The following CPSF2 variants were observed in gnomAD, a reference collection of about 807,000 sequenced individuals.
CPSF2 encodes the protein cleavage and polyadenylation specific factor 2.
Under a neutral mutation model 84.2 loss-of-function variants are expected in CPSF2, and 51 were observed. The ratio of observed to expected loss-of-function variants is 0.61; its 90% CI spans 0.48 to 0.77. The LOEUF (loss-of-function observed/expected upper bound fraction) is 0.77. Ranked by LOEUF, CPSF2 falls within the 30% of genes least tolerant of loss-of-function variation. The pLI is 0.00. For synonymous variants in CPSF2, 286 were observed against 311.9 expected, an observed-to-expected ratio of 0.92 and a Z score of 0.87; for missense variants, 641 against 929.4, an observed-to-expected ratio of 0.69 and a Z score of 4.03.
rs1256871560 is a variant in CPSF2, at chr14:92,167,898, T to TG, written c.*6154_*6155insG. 1 of 151,506 alleles carries TG rather than the reference T, an allele frequency of 6.6e-6. No homozygotes were observed. The highest frequency in any genetic ancestry group is 6.6e-5 in the Admixed American group (1 of 15,210). 9.4% of individuals were successfully genotyped at this position (151,506 alleles called of 1,614,324 possible). Reference sequence around the variant, plus strand: ...ATTGAGAGGTTAATTGCAGGTTTTTTTTTTTTTTTTTTCTGGTAACCATAG... The same window carrying TG: ...ATTGAGAGGTTAATTGCAGGTTTTTTGTTTTTTTTTTTTCTGGTAACCATAG... On this transcript the variant is annotated 3_prime_UTR_variant, in exon 16 of 16. Coordinates refer to ENST00000298875, the MANE Select transcript of CPSF2 (RefSeq NM_017437.3).
At chr14:92,130,816 T>C (rs1310213613) in intron 2 of CPSF2, 135 bp from the exon 3 acceptor site, 1 of 540,868 alleles carries the variant, frequency 1.8e-6, no homozygotes, top group African/African-American at 2.0e-5. Context: ...ATGATGGAAA[T>C]GGGCCTTTAA....
At chr14:92,154,992 G>T (rs957090728) in intron 10 of CPSF2, 131 bp from the exon 11 acceptor site, 10 of 644,956 alleles carry the variant, frequency 1.6e-5, no homozygotes, top group Non-Finnish European at 2.1e-5. Flanking sequence ...GTTGTTGACC[G>T]ACATAACTGT....
intron 1 of CPSF2, among the ~76,000 whole-genome samples, chr14:92,125,812 T>C (rs749816520): frequency 4.6e-5 from 7 of 152,296 alleles, no homozygotes; most frequent in Non-Finnish European, 8.8e-5. Flanking sequence ...ACCTTCTCTT[T>C]GTTTCTACCC....
At chr14:92,158,209 G>T (rs191938863) in intron 13 of CPSF2, among the ~76,000 whole-genome samples, 146 of 152,268 alleles carry the variant, frequency 9.6e-4, no homozygotes, top group African/African-American at 3.3e-3. Context: ...GAGTAGGAAA[G>T]GGGGGGAAGA....
chr14:92,129,993 C>T (rs2141452195), intron 2 of CPSF2, among the ~76,000 whole-genome samples: 1 of 152,262 alleles, frequency 6.6e-6, no homozygotes, highest in East Asian at 1.9e-4. Context: ...AGCAGTCTTC[C>T]TGCCTCGGCT....
chr14:92,129,824 A>G (rs976753754), intron 2 of CPSF2, among the ~76,000 whole-genome samples: 2 of 152,158 alleles, frequency 1.3e-5, no homozygotes, highest in Non-Finnish European at 2.9e-5. Flanking sequence ...CATAGCTCAC[A>G]GTAACCTCGG....
intron 3 of CPSF2, among the ~76,000 whole-genome samples, chr14:92,133,721 C>T (rs560879740): frequency 2.6e-4 from 40 of 152,144 alleles, no homozygotes; most frequent in Admixed American, 5.2e-4. Flanking sequence ...CTGCCTTGGC[C>T]TCCCTAAGTG....
chr14:92,133,415 C>T (rs1032700154), intron 3 of CPSF2, among the ~76,000 whole-genome samples: 1 of 150,884 alleles, frequency 6.6e-6, no homozygotes, highest in Non-Finnish European at 1.5e-5. Flanking sequence ...AGCAAAACTC[C>T]ATCTAAAAAA....
chr14:92,159,330 T>C, intron 14 of CPSF2, 48 bp downstream of exon 14: 1 of 1,470,114 alleles, frequency 6.8e-7, no homozygotes, highest in Non-Finnish European at 9.2e-7. Flanking sequence ...TTTGTCATCC[T>C]TCTAGTTTTC....
intron 7 of CPSF2, among the ~76,000 whole-genome samples, chr14:92,139,536 A>ATT (rs2069046286): frequency 6.9e-6 from 1 of 145,590 alleles, no homozygotes; most frequent in Non-Finnish European, 1.5e-5. Flanking sequence ...TTCATCTTAC[A>ATT]TTCTTTTTTT....
intron 8 of CPSF2, 46 bp downstream of exon 8, chr14:92,142,397 G>A (rs956654509): frequency 1.4e-6 from 2 of 1,457,196 alleles, no homozygotes; most frequent in Non-Finnish European, 1.9e-6. Flanking sequence ...TACAGTGATT[G>A]GGTCTGTGGA....
chr14:92,158,318 C>T (rs1018491254), intron 13 of CPSF2, among the ~76,000 whole-genome samples: 4 of 152,150 alleles, frequency 2.6e-5, no homozygotes, highest in African/African-American at 9.7e-5. Flanking sequence ...TATCAAGGTT[C>T]TACTCCTAAT....
At chr14:92,135,075 ATAATT>A (rs759415791) in intron 5 of CPSF2, among the ~76,000 whole-genome samples, 1 of 152,242 alleles carries the variant, frequency 6.6e-6, no homozygotes, top group Admixed American at 6.5e-5. Flanking sequence ...TTCATACTAA[ATAATT>A]TAATAGTGTA....
rs970487138 is a variant in CPSF2 at position 92,170,717 on chromosome 14, A to G, written c.*8973A>G. 2 of 152,168 alleles carry G rather than the reference A, an allele frequency of 1.3e-5. No individual in the cohort carries two copies. The highest frequency in any genetic ancestry group is 2.9e-5 in the Non-Finnish European group (2 of 68,038). The allele number at this position is 152,168 out of a possible 1,614,324, so 9.4% of individuals were successfully genotyped here. A position where few individuals can be genotyped will look rare whatever the true frequency, so the allele number is the denominator to read the frequency against. On this transcript the variant is annotated 3_prime_UTR_variant, in exon 16 of 16. Coordinates refer to ENST00000298875, the MANE Select transcript of CPSF2 (RefSeq NM_017437.3). ...GATGTGCACTTTGGGTTTGTCTGAT[A>G]TTTCCTCAAGATTAGATTCAGGTTG... is the stretch of plus-strand genomic sequence containing the variant.
At chr14:92,148,588 C>T (rs990723645) in intron 9 of CPSF2, among the ~76,000 whole-genome samples, 9 of 151,706 alleles carry the variant, frequency 5.9e-5, no homozygotes, top group Admixed American at 2.6e-4. Flanking sequence ...ATTTTTGAAG[C>T]ATATATATTC....
Position 92,159,275 on chromosome 14 carries a change from C to T in CPSF2, c.2114C>T (p.Pro705Leu), listed in dbSNP as rs771978934. 2 of 1,578,522 alleles carry T rather than the reference C, an allele frequency of 1.3e-6. No homozygotes were observed. Among genetic ancestry groups the T allele is most frequent in the South Asian group, 1.2e-5 (1 of 85,856 alleles). Residue 705 changes from proline (P) to leucine (L), a missense_variant, in exon 14 of 16, where the codon CCT becomes CTT. By Grantham distance (98) the Pro-to-Leu change is moderately conservative. Transcript: ENST00000298875. The stretch of plus-strand genomic sequence containing the variant: ...ATTCCTACTTTGGAACCCTTGCCAC[C>T]TCATGAGGTAAAAAAAGCATGTGCT... ...EIIPTLEPLP[P>L]HEVPGHQSVF...
At chr14:92,144,498 G>A (rs2069119462) in intron 9 of CPSF2, among the ~76,000 whole-genome samples, 1 of 152,104 alleles carries the variant, frequency 6.6e-6, no homozygotes, top group Non-Finnish European at 1.5e-5. Flanking sequence ...CTTTCAGTTC[G>A]TGAACCTCAC....
intron 9 of CPSF2, among the ~76,000 whole-genome samples, chr14:92,151,154 G>C (rs2141474659): frequency 6.6e-6 from 1 of 152,294 alleles, no homozygotes; most frequent in East Asian, 1.9e-4. Flanking sequence ...CACTTTGGGA[G>C]GCAGAGGCAG....
intron 7 of CPSF2, among the ~76,000 whole-genome samples, chr14:92,141,232 CAG>C (rs2069074572): frequency 6.6e-6 from 1 of 151,716 alleles, no homozygotes; most frequent in African/African-American, 2.4e-5. Flanking sequence ...TAAAAAAAAA[CAG>C]TGTAACAACC....
Sources: allele counts gnomAD v4.1 joint callset (sites outside exome capture counted in the v4.1 genomes callset), GRCh38; gene constraint gnomAD v4.1.1; transcripts MANE v1.5; gene names NCBI Gene and HGNC (gene_info 2026-07-23, HGNC 2026-07-21).